The following PDCD1LG2 variants were observed in gnomAD, a reference collection of about 807,000 sequenced individuals.
The protein encoded by PDCD1LG2 is B7 dendritic cell molecule.
PDCD1LG2 carries 32 observed loss-of-function variants against 28.2 expected under a neutral mutation model. That is an observed-to-expected ratio of 1.13 (90% confidence interval 0.86 to 1.52). The LOEUF is 1.52. PDCD1LG2 is among the 40% of genes most tolerant of loss of function. The pLI, the probability that PDCD1LG2 is intolerant of heterozygous loss-of-function variation, is 0.00. For missense variants in PDCD1LG2, 385 were observed against 323.8 expected, an observed-to-expected ratio of 1.19 and a Z score of -1.45; for synonymous variants, 116 against 120.2, an observed-to-expected ratio of 0.97 and a Z score of 0.23.
chr9:5,538,443 T>A (rs1820624370), intron 3 of PDCD1LG2, among the ~76,000 whole-genome samples: 1 of 151,354 alleles, frequency 6.6e-6, no homozygotes. Context: ...CCCAGCACTT[T>A]GGGAGGCCAA....
At chr9:5,521,915 A>C (rs1364103674) in intron 1 of PDCD1LG2, among the ~76,000 whole-genome samples, 2 of 152,210 alleles carry the variant, frequency 1.3e-5, no homozygotes, top group African/African-American at 4.8e-5. Context: ...GAGGTACAGC[A>C]GGACCAAGGT....
chr9:5,535,946 C>A lies in PDCD1LG2; in HGVS notation c.361+896C>A, dbSNP rs116992893. Among the ~76,000 whole-genome samples, 39 of 152,294 alleles carry A rather than the reference C, an allele frequency of 2.6e-4. No individual in the cohort carries two copies. In the East Asian group the frequency reaches 4.0e-3, roughly 16 times the overall value. On this transcript the variant is annotated intron_variant, in intron 3 of 6. Transcript: ENST00000397747. ...TGCTTGTTCATTGGCTTATGGTCTC[C>A]AGGCTTGAATGCTCTGAGATAAATG...
chr9:5,531,962 G>C (rs1820492359), intron 2 of PDCD1LG2, among the ~76,000 whole-genome samples: 1 of 152,184 alleles, frequency 6.6e-6, no homozygotes, highest in Admixed American at 6.5e-5. Flanking sequence ...TTGGTATCAG[G>C]TGGCTCTGCA....
intron 2 of PDCD1LG2, among the ~76,000 whole-genome samples, chr9:5,532,882 C>A (rs1278693432): frequency 6.6e-6 from 1 of 152,166 alleles, no homozygotes; most frequent in African/African-American, 2.4e-5. Context: ...AACACCTCGT[C>A]CAGCCTCCAC....
intron 2 of PDCD1LG2, among the ~76,000 whole-genome samples, chr9:5,529,420 C>A (rs1343467073): frequency 6.6e-6 from 1 of 152,192 alleles, no homozygotes; most frequent in Non-Finnish European, 1.5e-5. Flanking sequence ...ATCCTTTCCC[C>A]ATTCAATAGC....
chr9:5,527,499 T>C (rs527337196), intron 2 of PDCD1LG2, among the ~76,000 whole-genome samples: 1 of 152,390 alleles, frequency 6.6e-6, no homozygotes, highest in South Asian at 2.1e-4. Context: ...TTTATACCTG[T>C]TTGCTGTTGA....
chr9:5,517,165 CT>C (rs1820182794), intron 1 of PDCD1LG2, among the ~76,000 whole-genome samples: 1 of 152,192 alleles, frequency 6.6e-6, no homozygotes, highest in South Asian at 2.1e-4. Flanking sequence ...GAAAAGATGA[CT>C]AAGGATTGTT....
At chr9:5,523,302 T>C (rs1463241355) in intron 2 of PDCD1LG2, among the ~76,000 whole-genome samples, 1 of 152,184 alleles carries the variant, frequency 6.6e-6, no homozygotes. Flanking sequence ...CTATTTTGGA[T>C]GAACACCAGG....
chr9:5,551,662 G>T (rs539454853), intron 4 of PDCD1LG2, among the ~76,000 whole-genome samples: 1 of 152,178 alleles, frequency 6.6e-6, no homozygotes, highest in African/African-American at 2.4e-5. Flanking sequence ...CAGAAAAGTC[G>T]CAGGGCAGAA....
chr9:5,522,603 T>C lies in PDCD1LG2; in HGVS notation c.55+2T>C. The C allele has an allele frequency of 6.2e-7, 1 of 1,613,258 alleles. No individual in the cohort carries two copies. The highest frequency in any genetic ancestry group is 8.5e-7 in the Non-Finnish European group (1 of 1,179,390). The stretch of plus-strand genomic sequence containing the variant: ...AATTGCAGCTTCACCAGATAGCAGG[T>C]AAGAAAGGACAAAGGGAGAGGCTTA... On this transcript the variant is annotated splice_donor_variant, in intron 2 of 6. Transcript: ENST00000397747. LOFTEE classifies it high-confidence loss of function.
intron 2 of PDCD1LG2, among the ~76,000 whole-genome samples, chr9:5,529,447 A>G (rs1367236737): frequency 6.6e-6 from 1 of 152,222 alleles, no homozygotes; most frequent in Non-Finnish European, 1.5e-5. Flanking sequence ...ATCTTCATCA[A>G]AATCAATTAG....
chr9:5,541,314 C>A (rs986376805), intron 3 of PDCD1LG2, among the ~76,000 whole-genome samples: 6 of 152,036 alleles, frequency 3.9e-5, no homozygotes, highest in African/African-American at 1.4e-4. Flanking sequence ...AGACAAGACA[C>A]TTTCACCACT....
Position 5,570,715 on chromosome 9 carries a change from A to G in PDCD1LG2, c.*756A>G. 1 of 232,144 alleles carries G rather than the reference A, an allele frequency of 4.3e-6. No homozygotes were observed. The highest frequency in any genetic ancestry group is 6.1e-5 in the East Asian group (1 of 16,350). The allele number at this position is 232,144 out of a possible 1,614,324, so 14.4% of individuals were successfully genotyped here. ...TTTATTTGTTTTTACCTTAGAAATC[A>G]ATTATATACAGTCAAAAATATTTGA... On this transcript the variant is annotated 3_prime_UTR_variant, in exon 7 of 7. Transcript: ENST00000397747.
chr9:5,535,087 C>T (rs758485584), intron 3 of PDCD1LG2, 37 bp downstream of exon 3: 2 of 1,531,838 alleles, frequency 1.3e-6, no homozygotes, highest in South Asian at 2.5e-5. Flanking sequence ...ATGGAAGCAT[C>T]TCTCCAACAG....
intron 2 of PDCD1LG2, 35 bp downstream of exon 2, chr9:5,522,636 A>C: frequency 6.2e-7 from 1 of 1,605,114 alleles, no homozygotes; most frequent in Non-Finnish European, 8.5e-7. Context: ...TTAAGAAAGA[A>C]GAGCAGGTGG....
intron 3 of PDCD1LG2, among the ~76,000 whole-genome samples, chr9:5,542,881 G>T (rs138794878): frequency 1.1e-4 from 16 of 151,966 alleles, no homozygotes; most frequent in African/African-American, 3.9e-4. Flanking sequence ...ACTTGCACAC[G>T]CATTTTTATA....
At position 5,515,595 on chromosome 9, in the gene PDCD1LG2, A is replaced by T. The variant is rs376241376; in HGVS notation, c.-15+4792A>T. On this transcript the variant is annotated intron_variant, in intron 1 of 6. Coordinates refer to ENST00000397747, the MANE Select transcript of PDCD1LG2 (RefSeq NM_025239.4). ...TCAGCAGAGAGGAGACCCACAATGG[A>T]TAGCTCCTTACCACAGGCAGGTCAT... Among the ~76,000 whole-genome samples the T allele has an allele frequency of 2.6e-5, 4 of 152,294 alleles. No individual in the cohort carries two copies. The East Asian group carries it at 7.7e-4, about 29-fold the overall frequency.
rs141221333 is a variant in PDCD1LG2, at chr9:5,557,847, G to C, written c.766+95G>C. The C allele has an allele frequency of 3.6e-5, 53 of 1,462,054 alleles. No homozygotes were observed. The African/African-American group carries it at 5.9e-4, about 16-fold the overall frequency. 90.6% of individuals were successfully genotyped at this position (1,462,054 alleles called of 1,614,324 possible). On this transcript the variant is annotated intron_variant, in intron 5 of 6. Coordinates refer to ENST00000397747, the MANE Select transcript of PDCD1LG2 (RefSeq NM_025239.4). ...CAGGCCTATGGCTTGCTGCTTTCAT[G>C]CTAAACCCACTCAGAGCTTATGAAC...
In PDCD1LG2 at chr9:5,523,386, T is replaced by C. The variant is rs555572390; in HGVS notation, c.55+785T>C. On this transcript the variant is annotated intron_variant, in intron 2 of 6. Transcript: ENST00000397747. The stretch of plus-strand genomic sequence containing the variant: ...ACAATAGCCCCAGCCCCATGGGAAA[T>C]CATCTTTCTGCTCATGATTGAGAAA... 9.9e-5 allele frequency among the ~76,000 whole-genome samples: 15 copies of C among 152,210 alleles called. No homozygotes were observed. The South Asian group carries it at 3.1e-3, about 32-fold the overall frequency.
Sources: gnomAD v4.1 joint callset for allele counts (sites outside exome capture counted in the v4.1 genomes callset) on GRCh38, gnomAD v4.1.1 for gene constraint, MANE v1.5 for transcripts, NCBI Gene and HGNC (gene_info 2026-07-23, HGNC 2026-07-21) for gene names.